Variants in TMEM135 observed in about 807,000 individuals in gnomAD.
TMEM135 encodes the protein peroxisomal membrane protein 52.
Under a neutral mutation model 60.3 loss-of-function variants are expected in TMEM135, and 30 were observed. The observed-to-expected ratio is 0.50, with a 90% CI of 0.37 to 0.68. The LOEUF is 0.68. TMEM135 is among the 30% of genes least tolerant of loss of function. The pLI, the probability that TMEM135 is intolerant of heterozygous loss-of-function variation, is 0.00. For synonymous variants in TMEM135, 190 were observed against 186.7 expected (o/e 1.02, Z -0.14); for missense variants, 468 against 548.8 (o/e 0.85, Z 1.47).
At chr11:87,098,964 A>G (rs1251751870) in intron 4 of TMEM135, among the ~76,000 whole-genome samples, 1 of 152,198 alleles carries the variant, frequency 6.6e-6, no homozygotes. Flanking sequence ...CTTGGATTAC[A>G]GGTGTGAGCC....
At chr11:87,058,130 C>G (rs565528934) in intron 1 of TMEM135, among the ~76,000 whole-genome samples, 1 of 152,158 alleles carries the variant, frequency 6.6e-6, no homozygotes, top group Non-Finnish European at 1.5e-5. Flanking sequence ...ATGAAGCCTA[C>G]TCACATTAGG....
intron 4 of TMEM135, among the ~76,000 whole-genome samples, chr11:87,113,456 AT>A (rs1857804057): frequency 1.3e-5 from 2 of 152,144 alleles, no homozygotes; most frequent in African/African-American, 4.8e-5. Context: ...TAATAAAGAT[AT>A]TTTAAAGATT....
intron 5 of TMEM135, among the ~76,000 whole-genome samples, chr11:87,166,267 C>T (rs915581009): frequency 1.3e-4 from 19 of 151,646 alleles, no homozygotes; most frequent in Non-Finnish European, 2.5e-4. Flanking sequence ...CCTGTTTGCT[C>T]TGATGATAGT....
chr11:87,249,749 T>C (rs1038210115), intron 6 of TMEM135, among the ~76,000 whole-genome samples: 12 of 152,182 alleles, frequency 7.9e-5, no homozygotes, highest in Admixed American at 7.9e-4. Flanking sequence ...TGTATCAGTG[T>C]TCATCAGATA....
chr11:87,180,004 G>T (rs1487557255), intron 5 of TMEM135, among the ~76,000 whole-genome samples: 2 of 151,964 alleles, frequency 1.3e-5, no homozygotes, highest in African/African-American at 4.8e-5. Flanking sequence ...TGGACTCCAG[G>T]GCATCTTATT....
intron 4 of TMEM135, among the ~76,000 whole-genome samples, chr11:87,128,725 C>T (rs1262402855): frequency 6.6e-6 from 1 of 152,088 alleles, no homozygotes; most frequent in South Asian, 2.1e-4. Context: ...CAAACATGTA[C>T]ACATCAACCC....
At chr11:87,227,348 T>G (rs998724289) in intron 5 of TMEM135, among the ~76,000 whole-genome samples, 6 of 151,998 alleles carry the variant, frequency 3.9e-5, no homozygotes, top group Admixed American at 1.3e-4. Context: ...TTTTTATGGG[T>G]GAAAAATTAA....
chr11:87,191,991 T>TTC (rs1555116183), intron 5 of TMEM135, among the ~76,000 whole-genome samples: 2 of 134,942 alleles, frequency 1.5e-5, no homozygotes, highest in Non-Finnish European at 3.2e-5. Context: ...TCTTTTCTTT[T>TTC]TTTTTTTTTT....
At chr11:87,125,700 A>T (rs1455013915) in intron 4 of TMEM135, among the ~76,000 whole-genome samples, 1 of 152,226 alleles carries the variant, frequency 6.6e-6, no homozygotes, top group Non-Finnish European at 1.5e-5. Context: ...GTGATGTGAT[A>T]GGATTTGCAT....
intron 5 of TMEM135, among the ~76,000 whole-genome samples, chr11:87,211,542 C>T (rs919074644): frequency 6.6e-6 from 1 of 152,130 alleles, no homozygotes; most frequent in Non-Finnish European, 1.5e-5. Context: ...CATTCACCCT[C>T]TTGAATTCGT....
At chr11:87,281,712 C>T (rs527829533) in intron 6 of TMEM135, among the ~76,000 whole-genome samples, 11 of 152,210 alleles carry the variant, frequency 7.2e-5, no homozygotes, top group South Asian at 2.1e-4. Flanking sequence ...CCTGGAGTTA[C>T]GACATGTTTT....
At chr11:87,064,930 A>G (rs1387762132) in intron 1 of TMEM135, among the ~76,000 whole-genome samples, 1 of 151,966 alleles carries the variant, frequency 6.6e-6, no homozygotes, top group African/African-American at 2.4e-5. Flanking sequence ...GGAATCATAC[A>G]GTATGTAGCT....
intron 6 of TMEM135, among the ~76,000 whole-genome samples, chr11:87,241,337 T>A (rs571363422): frequency 6.6e-6 from 1 of 152,230 alleles, no homozygotes; most frequent in East Asian, 1.9e-4. Flanking sequence ...AATTCGGTTC[T>A]ATGTTTATTT....
chr11:87,077,369 C>T (rs1856895995), intron 3 of TMEM135, among the ~76,000 whole-genome samples: 1 of 152,126 alleles, frequency 6.6e-6, no homozygotes, highest in South Asian at 2.1e-4. Context: ...TATGGATGTA[C>T]CAGAGTTTGT....
chr11:87,100,721 G>A (rs1857439057), intron 4 of TMEM135, among the ~76,000 whole-genome samples: 1 of 152,112 alleles, frequency 6.6e-6, no homozygotes, highest in South Asian at 2.1e-4. Context: ...AATTAGCCAG[G>A]CGTGGTGGCA....
intron 4 of TMEM135, among the ~76,000 whole-genome samples, chr11:87,151,847 C>T (rs10898613): frequency 0.08 from 12,181 of 152,104 alleles, 580 homozygotes; most frequent in East Asian, 0.18. Flanking sequence ...GCCTAACATT[C>T]GCTGTGTATG....
At chr11:87,321,014 A>G (rs538562907) in intron 14 of TMEM135, among the ~76,000 whole-genome samples, 187 bp from the exon 15 acceptor site, 1 of 152,266 alleles carries the variant, frequency 6.6e-6, no homozygotes, top group East Asian at 1.9e-4. Context: ...ATCTCTTTAA[A>G]TAAAATATGA....
intron 4 of TMEM135, among the ~76,000 whole-genome samples, chr11:87,139,448 C>G (rs1276691533): frequency 6.6e-6 from 1 of 152,114 alleles, no homozygotes; most frequent in Non-Finnish European, 1.5e-5. Context: ...TTGCGGTTTT[C>G]TCTTCCCATG....
intron 6 of TMEM135, among the ~76,000 whole-genome samples, chr11:87,262,651 G>A (rs1418063914): frequency 6.6e-6 from 1 of 152,090 alleles, no homozygotes; most frequent in Non-Finnish European, 1.5e-5. Context: ...AATCTGAGTG[G>A]CATATAACAG....
Sources: gnomAD v4.1 joint callset for allele counts (sites outside exome capture counted in the v4.1 genomes callset) on GRCh38, gnomAD v4.1.1 for gene constraint, MANE v1.5 for transcripts, NCBI Gene and HGNC (gene_info 2026-07-23, HGNC 2026-07-21) for gene names.